The following CACNA1C variants were observed in gnomAD, a reference collection of about 807,000 sequenced individuals.
The protein encoded by CACNA1C is voltage-dependent L-type calcium channel subunit alpha-1C.
In CACNA1C, 30 loss-of-function variants were observed where a neutral mutation model predicts 229.0. The observed-to-expected ratio is 0.13, with a 90% CI of 0.10 to 0.18. CACNA1C has a LOEUF of 0.18. Among genes scored for constraint, CACNA1C ranks in the 10% least tolerant of loss-of-function variants. The probability of loss-of-function intolerance (pLI) is 1.00; values close to 1 mark genes in which losing one functional copy is unlikely to be tolerated. For synonymous variants in CACNA1C, 1,114 were observed against 1,132.5 expected (o/e 0.98, Z 0.33); for missense variants, 1,658 against 2,845.0 (o/e 0.58, Z 9.49).
At chr12:2,310,217 TAACTG>T (rs1338549703) in intron 3 of CACNA1C, among the ~76,000 whole-genome samples, 1 of 152,044 alleles carries the variant, frequency 6.6e-6, no homozygotes, top group African/African-American at 2.4e-5. Context: ...AGAGGCTACA[TAACTG>T]AACCCAAGTC....
rs144813330 is a variant in CACNA1C at position 2,455,654 on chromosome 12, G to C, written c.618-1913G>C. On this transcript the variant is annotated intron_variant, in intron 4 of 46. Coordinates refer to ENST00000399655, the MANE Select transcript of CACNA1C (RefSeq NM_000719.7). Reference sequence around the variant, plus strand: ...GCTCTCTTGAACCTATGTCTGCTGGGTGTTTGTCCACATCACTCCACCAAC... The same window carrying C: ...GCTCTCTTGAACCTATGTCTGCTGGCTGTTTGTCCACATCACTCCACCAAC... Among the ~76,000 whole-genome samples the C allele has an allele frequency of 7.2e-3, 1,094 of 152,176 alleles. 14 individuals carry two copies. The highest frequency in any genetic ancestry group is 0.024 in the African/African-American group (1,009 of 41,508).
In CACNA1C at chr12:2,586,774, G is replaced by A. The variant is rs1187436832; in HGVS notation, c.2530+870G>A. 3.9e-5 allele frequency among the ~76,000 whole-genome samples: 6 copies of A among 152,162 alleles called. No individual in the cohort carries two copies. The East Asian group carries it at 1.2e-3, about 29-fold the overall frequency. ...GGTTCTCTGCTTAGAACACTCACAG[G>A]CATCCTTGGGAACCAGACTCCCTGT... On this transcript the variant is annotated intron_variant, in intron 18 of 46. Transcript: ENST00000399655.
At chr12:2,223,659 C>G (rs1357884603) in intron 3 of CACNA1C, among the ~76,000 whole-genome samples, 2 of 152,304 alleles carry the variant, frequency 1.3e-5, no homozygotes, top group East Asian at 3.9e-4. Flanking sequence ...CTCTCTGACT[C>G]TAAGACTCCT....
At chr12:2,634,770 A>C (rs894432356) in intron 30 of CACNA1C, among the ~76,000 whole-genome samples, 1 of 151,560 alleles carries the variant, frequency 6.6e-6, no homozygotes, top group Non-Finnish European at 1.5e-5. Flanking sequence ...TCTGACCTCC[A>C]CCTTCTCCTC....
intron 1 of CACNA1C, among the ~76,000 whole-genome samples, chr12:1,990,770 T>A (rs2039163456): frequency 6.6e-6 from 1 of 152,158 alleles, no homozygotes; most frequent in Admixed American, 6.5e-5. Flanking sequence ...GGCCAACCAA[T>A]CTATATGCCA....
intron 9 of CACNA1C, among the ~76,000 whole-genome samples, chr12:2,542,123 G>A (rs112665149): frequency 1.1e-4 from 17 of 149,920 alleles, no homozygotes; most frequent in East Asian, 7.9e-4. Flanking sequence ...ATTTATTGCT[G>A]TCACCTTAGT....
At chr12:2,540,382 A>C (rs1226837925) in intron 9 of CACNA1C, among the ~76,000 whole-genome samples, 2 of 152,028 alleles carry the variant, frequency 1.3e-5, no homozygotes, top group African/African-American at 4.8e-5. Context: ...AGAAGAGGAG[A>C]CTCGGTGGGC....
intron 3 of CACNA1C, among the ~76,000 whole-genome samples, chr12:2,154,463 C>T (rs542164162): frequency 3.9e-5 from 6 of 152,324 alleles, no homozygotes; most frequent in East Asian, 1.9e-4. Flanking sequence ...AGCAGCCTGG[C>T]GCCCACTTAA....
intron 34 of CACNA1C, among the ~76,000 whole-genome samples, chr12:2,662,397 T>C (rs1477703166): frequency 1.3e-5 from 2 of 152,232 alleles, no homozygotes; most frequent in East Asian, 3.8e-4. Flanking sequence ...GCAAATATTC[T>C]GTAATATGAA....
intron 1 of CACNA1C, among the ~76,000 whole-genome samples, chr12:2,065,820 A>T (rs2059074662): frequency 6.6e-6 from 1 of 152,164 alleles, no homozygotes; most frequent in Non-Finnish European, 1.5e-5. Flanking sequence ...CCTGTAATGT[A>T]TTCACAGGGA....
chr12:2,379,316 C>A (rs937692723), intron 3 of CACNA1C, among the ~76,000 whole-genome samples: 2 of 152,214 alleles, frequency 1.3e-5, no homozygotes, highest in Admixed American at 6.5e-5. Context: ...GGCTAATAAT[C>A]ATGAACCCTT....
chr12:2,177,248 C>G (rs542200841), intron 3 of CACNA1C, among the ~76,000 whole-genome samples: 1 of 152,324 alleles, frequency 6.6e-6, no homozygotes, highest in South Asian at 2.1e-4. Context: ...CAAGCCGCCT[C>G]TATCCCTGTC....
intron 1 of CACNA1C, among the ~76,000 whole-genome samples, chr12:2,065,076 A>G (rs1413649095): frequency 6.6e-6 from 1 of 152,202 alleles, no homozygotes; most frequent in African/African-American, 2.4e-5. Context: ...CCCTGCTCAC[A>G]GGTGCCTCTG....
chr12:2,113,349 G>A (rs1289772992), intron 1 of CACNA1C, among the ~76,000 whole-genome samples: 1 of 152,180 alleles, frequency 6.6e-6, no homozygotes, highest in Non-Finnish European at 1.5e-5. Flanking sequence ...AGGTCACATG[G>A]GGAGCAAAGT....
At chr12:2,258,769 A>G (rs2078948074) in intron 3 of CACNA1C, among the ~76,000 whole-genome samples, 2 of 152,204 alleles carry the variant, frequency 1.3e-5, no homozygotes, top group African/African-American at 4.8e-5. Context: ...ATTATTGTAG[A>G]TATGTGAGCA....
rs1465642633 is a variant in CACNA1C at position 2,602,931 on chromosome 12, A to G, written c.2960+971A>G. Among the ~76,000 whole-genome samples, 1 of 152,142 alleles carries G rather than the reference A, an allele frequency of 6.6e-6. No individual in the cohort carries two copies. Among genetic ancestry groups the G allele is most frequent in the African/African-American group, 2.4e-5 (1 of 41,422 alleles). ...GGCAAGTGTTATCATGATTGTATAG[A>G]TGGGAAATTTGGAGTTCAGGACATC... On this transcript the variant is annotated intron_variant, in intron 22 of 46. Transcript: ENST00000399655. This position sits in a 1 kb window ranked among gnomAD's most constrained non-coding sequence, Gnocchi z 4.4.
At chr12:1,987,913 C>T (rs941984299) in intron 1 of CACNA1C, among the ~76,000 whole-genome samples, 3 of 152,194 alleles carry the variant, frequency 2.0e-5, no homozygotes, top group Admixed American at 6.5e-5. Context: ...CTCCTCATAT[C>T]ATCACCAAAC....
intron 3 of CACNA1C, among the ~76,000 whole-genome samples, chr12:2,386,792 C>A (rs1331458079): frequency 6.6e-6 from 1 of 152,196 alleles, no homozygotes; most frequent in African/African-American, 2.4e-5. Flanking sequence ...GCAGGGAGTG[C>A]AGCACCAGCA....
At chr12:2,074,325 T>C (rs971496916) in intron 1 of CACNA1C, among the ~76,000 whole-genome samples, 9 of 152,174 alleles carry the variant, frequency 5.9e-5, no homozygotes, top group African/African-American at 2.2e-4. Context: ...ACTTTATAGT[T>C]TTACTGCACC....
Sources: gnomAD v4.1 joint callset for allele counts (sites outside exome capture counted in the v4.1 genomes callset) on GRCh38, gnomAD v4.1.1 for gene constraint, Gnocchi (gnomAD v3.1) non-coding constraint, MANE v1.5 for transcripts, NCBI Gene and HGNC (gene_info 2026-07-23, HGNC 2026-07-21) for gene names.